The following PDLIM5 variants were observed in gnomAD, a reference collection of about 807,000 sequenced individuals.
The protein encoded by PDLIM5 is PDZ and LIM domain protein 5.
Under a neutral mutation model 64.2 loss-of-function variants are expected in PDLIM5, and 34 were observed. That is an observed-to-expected ratio of 0.53 (90% CI 0.40 to 0.71). PDLIM5 has a LOEUF of 0.71. PDLIM5 is among the 30% of genes least tolerant of loss of function. The pLI, the probability that PDLIM5 is intolerant of heterozygous loss-of-function variation, is 0.00. For synonymous variants in PDLIM5, 253 were observed against 269.1 expected (o/e 0.94, Z 0.59); for missense variants, 683 against 733.6 (o/e 0.93, Z 0.80).
intron 4 of PDLIM5, 168 bp downstream of exon 4, chr4:94,573,561 C>A: frequency 1.4e-6 from 1 of 715,528 alleles, no homozygotes; most frequent in South Asian, 1.5e-5. Context: ...TGGAGATCAG[C>A]ACATACCATT....
At chr4:94,530,743 A>G (rs1043707665) in intron 3 of PDLIM5, among the ~76,000 whole-genome samples, 8 of 152,106 alleles carry the variant, frequency 5.3e-5, no homozygotes, top group African/African-American at 1.9e-4. Flanking sequence ...TTCATCCTTC[A>G]AACAACAAAA....
chr4:94,538,737 A>G (rs989871971), intron 3 of PDLIM5, among the ~76,000 whole-genome samples: 1 of 152,052 alleles, frequency 6.6e-6, no homozygotes, highest in Admixed American at 6.6e-5. Context: ...TACTTTCTTT[A>G]AGTTGTTTAT....
At chr4:94,574,671 G>A (rs752727807) in intron 4 of PDLIM5, among the ~76,000 whole-genome samples, 2 of 152,062 alleles carry the variant, frequency 1.3e-5, no homozygotes, top group South Asian at 2.1e-4. Context: ...GAGCTATCCC[G>A]CCTCCTGGGA....
At chr4:94,652,776 T>C (rs1474767636) in intron 9 of PDLIM5, among the ~76,000 whole-genome samples, 1 of 152,156 alleles carries the variant, frequency 6.6e-6, no homozygotes, top group African/African-American at 2.4e-5. Context: ...GAGAATGATA[T>C]GTACTAGCTT....
Position 94,664,051 on chromosome 4 carries a change from A to G in PDLIM5, c.1775A>G (p.His592Arg), listed in dbSNP as rs76352571. 9.6e-3 allele frequency: 15,366 copies of G among 1,603,032 alleles called. 114 individuals are homozygous for G. Among genetic ancestry groups the G allele is most frequent in the Non-Finnish European group, 0.011 (12,637 of 1,173,362 alleles). ...AAGCCCCTGTGTAAGAAACATGCTC[A>G]TTCTGTGAATTTTTGAAAGTCAACA... ...KDKPLCKKHAHSVNF is the reference protein window; with the variant it reads ...KDKPLCKKHARSVNF Residue 592 changes from histidine (H) to arginine (R), a missense_variant, in exon 13 of 13, where the codon CAT becomes CGT. Coordinates refer to ENST00000317968, the MANE Select transcript of PDLIM5 (RefSeq NM_006457.5).
At chr4:94,655,697 A>G (rs566272531) in intron 10 of PDLIM5, among the ~76,000 whole-genome samples, 2 of 152,228 alleles carry the variant, frequency 1.3e-5, no homozygotes, top group African/African-American at 4.8e-5. Flanking sequence ...GTTTTAGTGT[A>G]TCAAGGTATT....
intron 3 of PDLIM5, among the ~76,000 whole-genome samples, chr4:94,530,833 AAAG>A (rs1030142396): frequency 1.6e-4 from 24 of 152,310 alleles, no homozygotes; most frequent in African/African-American, 5.1e-4. Context: ...TTATAAGAGA[AAAG>A]AAGAAGTAGC....
At chr4:94,516,321 C>T (rs1560670560) in intron 2 of PDLIM5, among the ~76,000 whole-genome samples, 1 of 152,182 alleles carries the variant, frequency 6.6e-6, no homozygotes, top group African/African-American at 2.4e-5. Flanking sequence ...TATTCTCTAA[C>T]TTTTGAGTAA....
At position 94,575,780 on chromosome 4, in the gene PDLIM5, A is replaced by G. The variant is rs751468981; in HGVS notation, c.456A>G (p.Pro152=). 2 of 1,613,982 alleles carry G rather than the reference A, an allele frequency of 1.2e-6. No homozygotes were observed. Among genetic ancestry groups the G allele is most frequent in the Non-Finnish European group, 1.7e-6 (2 of 1,179,998 alleles). ...CATCACCATCGTCTGCCTTCACCCC[A>G]GCCCATGCGACCACCTCATCACATG... ...SIPSPSSAFT[P]AHATTSSHAS... is the part of the protein sequence containing the mutation. Residue 152 remains proline (P), a synonymous_variant, in exon 5 of 13, where the codon CCA becomes CCG. Coordinates refer to ENST00000317968, the MANE Select transcript of PDLIM5 (RefSeq NM_006457.5).
chr4:94,647,617 TAGAA>T (rs1163305951), intron 9 of PDLIM5, among the ~76,000 whole-genome samples: 1 of 152,120 alleles, frequency 6.6e-6, no homozygotes, highest in Admixed American at 6.5e-5. Context: ...CAAAAAGAAC[TAGAA>T]AACTTGAACA....
intron 3 of PDLIM5, among the ~76,000 whole-genome samples, chr4:94,539,911 A>G (rs1433833782): frequency 1.3e-5 from 2 of 152,084 alleles, no homozygotes; most frequent in Admixed American, 1.3e-4. Flanking sequence ...TCAGATTATA[A>G]AATGTCTTGG....
intron 3 of PDLIM5, among the ~76,000 whole-genome samples, chr4:94,524,393 A>AAT (rs1730149155): frequency 1.4e-5 from 2 of 143,248 alleles, no homozygotes; most frequent in Admixed American, 6.9e-5. Flanking sequence ...AAAAAAAAAA[A>AAT]ATTGTGTATA....
chr4:94,502,206 G>T (rs577504969), intron 2 of PDLIM5, among the ~76,000 whole-genome samples: 1 of 152,222 alleles, frequency 6.6e-6, no homozygotes, highest in East Asian at 1.9e-4. Flanking sequence ...AGCTAGAAGA[G>T]ACATACCGAG....
Position 94,665,640 on chromosome 4 carries a change from C to T in PDLIM5, c.*1573C>T, listed in dbSNP as rs1463164275. 1 of 1,022,602 alleles carries T rather than the reference C, an allele frequency of 9.8e-7. No homozygotes were observed. Among genetic ancestry groups the T allele is most frequent in the Non-Finnish European group, 1.2e-6 (1 of 854,558 alleles). The allele number at this position is 1,022,602 out of a possible 1,614,324, so 63.3% of individuals were successfully genotyped here. ...ATCAGTTTCTGAGTTATGCCACTGG[C>T]TGATGAAGAGTTGAGAGGTCTCTTT... On this transcript the variant is annotated 3_prime_UTR_variant, in exon 13 of 13. Coordinates refer to ENST00000317968, the MANE Select transcript of PDLIM5 (RefSeq NM_006457.5).
intron 8 of PDLIM5, among the ~76,000 whole-genome samples, chr4:94,620,036 C>G (rs1373654814): frequency 2.0e-5 from 3 of 152,128 alleles, no homozygotes; most frequent in Admixed American, 6.5e-5. Flanking sequence ...TACTTTGGCC[C>G]CTACTAACTT....
At chr4:94,576,618 A>G (rs1344194039) in intron 5 of PDLIM5, among the ~76,000 whole-genome samples, 1 of 152,272 alleles carries the variant, frequency 6.6e-6, no homozygotes, top group Non-Finnish European at 1.5e-5. Context: ...TAATGAAACA[A>G]CAAGGCACGC....
chr4:94,609,697 A>T (rs1354890720), intron 7 of PDLIM5, among the ~76,000 whole-genome samples: 1 of 152,158 alleles, frequency 6.6e-6, no homozygotes, highest in Non-Finnish European at 1.5e-5. Context: ...TCCTGAAAAC[A>T]TAAGTCGTAT....
intron 8 of PDLIM5, among the ~76,000 whole-genome samples, chr4:94,620,997 G>C (rs2110404620): frequency 7.0e-6 from 1 of 143,678 alleles, no homozygotes; most frequent in East Asian, 2.2e-4. Context: ...CTTGAACCCA[G>C]GAGGCGAAGG....
intron 3 of PDLIM5, among the ~76,000 whole-genome samples, chr4:94,546,349 A>T (rs1294383612): frequency 1.3e-5 from 2 of 152,022 alleles, no homozygotes; most frequent in Non-Finnish European, 2.9e-5. Context: ...TATACACACA[A>T]CCTCACTTCT....
Sources: allele counts gnomAD v4.1 joint callset (sites outside exome capture counted in the v4.1 genomes callset), GRCh38; gene constraint gnomAD v4.1.1; transcripts MANE v1.5; gene names NCBI Gene and HGNC (gene_info 2026-07-23, HGNC 2026-07-21).